Variants in ZC3H12B observed in about 807,000 individuals in gnomAD.
The protein encoded by ZC3H12B is probable ribonuclease ZC3H12B.
ZC3H12B carries 7 observed loss-of-function variants against 43.9 expected under a neutral mutation model. The observed-to-expected ratio is 0.16, with a 90% confidence interval of 0.09 to 0.30. The LOEUF (loss-of-function observed/expected upper bound fraction) is 0.30, where lower values mean the gene tolerates loss of function less well. Ranked by LOEUF, ZC3H12B falls within the 10% of genes least tolerant of loss-of-function variation. The probability of loss-of-function intolerance (pLI) is 1.00; values close to 1 mark genes in which losing one functional copy is unlikely to be tolerated. For synonymous variants in ZC3H12B, 222 were observed against 241.7 expected (o/e 0.92, Z 0.76); for missense variants, 475 against 670.2 (o/e 0.71, Z 3.22).
chrX:65,139,978 G>C, the ZC3H12B span, among the ~76,000 whole-genome samples: 1 of 106,497 alleles, frequency 9.4e-6, no homozygotes, highest in African/African-American at 3.4e-5. Flanking sequence ...AGTTCTAAAA[G>C]TTTTTTTTTT....
chrX:65,386,773 G>T (rs1257935094), intron 2 of ZC3H12B, among the ~76,000 whole-genome samples: 1 of 111,077 alleles, frequency 9.0e-6, no homozygotes, highest in Non-Finnish European at 1.9e-5. Context: ...GCTTTCTCTT[G>T]TGGGCATTTA....
chrX:65,261,727 A>T, the ZC3H12B span, among the ~76,000 whole-genome samples: 1 of 111,543 alleles, frequency 9.0e-6, no homozygotes, highest in Admixed American at 9.5e-5. Flanking sequence ...TTTTAAGGAA[A>T]GTTTAAGAAA....
At chrX:65,099,724 A>G in the ZC3H12B span, among the ~76,000 whole-genome samples, 1 of 111,577 alleles carries the variant, frequency 9.0e-6, no homozygotes, top group Admixed American at 9.5e-5. Context: ...AACCCCATCC[A>G]AAGGTCATCA....
chrX:65,095,962 C>A, the ZC3H12B span, among the ~76,000 whole-genome samples: 154 of 110,850 alleles, frequency 1.4e-3, 4 homozygotes, highest in East Asian at 0.043. Context: ...TTAAACTGTG[C>A]ATTATGTCCA....
the ZC3H12B span, among the ~76,000 whole-genome samples, chrX:65,281,752 A>G: frequency 2.7e-5 from 3 of 112,441 alleles, no homozygotes; most frequent in African/African-American, 6.5e-5. Flanking sequence ...ACTTCAGGAT[A>G]TTGGTCTGCG....
the ZC3H12B span, among the ~76,000 whole-genome samples, chrX:65,338,315 G>A: frequency 9.0e-6 from 1 of 111,669 alleles, no homozygotes; most frequent in Non-Finnish European, 1.9e-5. Context: ...GAATCAGGAA[G>A]AAATGGAAAC....
chrX:65,465,189 A>G (rs2067801762), intron 3 of ZC3H12B, among the ~76,000 whole-genome samples: 1 of 110,978 alleles, frequency 9.0e-6, no homozygotes, highest in Admixed American at 9.7e-5. Flanking sequence ...TCCATTATTG[A>G]AAGAGAGTAT....
At chrX:65,163,916 C>T in the ZC3H12B span, among the ~76,000 whole-genome samples, 1 of 111,584 alleles carries the variant, frequency 9.0e-6, no homozygotes, top group Non-Finnish European at 1.9e-5. Flanking sequence ...CATCTTGGCT[C>T]CCCCCCTCTG....
intron 3 of ZC3H12B, among the ~76,000 whole-genome samples, chrX:65,477,377 GCA>G (rs10538319): frequency 0.24 from 25,579 of 105,099 alleles, 7,589 homozygotes; most frequent in African/African-American, 0.83. Flanking sequence ...ACACACACGT[GCA>G]CACACACACA....
At chrX:65,327,633 T>A in the ZC3H12B span, among the ~76,000 whole-genome samples, 1 of 111,269 alleles carries the variant, frequency 9.0e-6, no homozygotes, top group Non-Finnish European at 1.9e-5. Context: ...GTATTAGGAA[T>A]GAGAGCATTT....
chrX:65,344,540 C>T, the ZC3H12B span, among the ~76,000 whole-genome samples: 1 of 111,964 alleles, frequency 8.9e-6, no homozygotes, highest in Admixed American at 9.5e-5. Context: ...AAACTAGAAC[C>T]ATTTCTTACA....
chrX:65,382,289 T>C (rs2066453677), intron 2 of ZC3H12B, among the ~76,000 whole-genome samples: 1 of 109,825 alleles, frequency 9.1e-6, no homozygotes, highest in African/African-American at 3.3e-5. Context: ...GATGCAAGGC[T>C]GGTTCAATAT....
the ZC3H12B span, among the ~76,000 whole-genome samples, chrX:65,065,865 T>C: frequency 9.3e-6 from 1 of 108,004 alleles, no homozygotes; most frequent in African/African-American, 3.4e-5. Flanking sequence ...TTCTCTAATC[T>C]TGTCTTCACT....
intron 3 of ZC3H12B, among the ~76,000 whole-genome samples, chrX:65,459,887 G>A (rs764058434): frequency 1.7e-4 from 19 of 111,430 alleles, no homozygotes; most frequent in African/African-American, 5.2e-4. Flanking sequence ...GAAATAAAGG[G>A]TATTCAATTA....
At chrX:65,472,824 T>TTATATATATATATA (rs2067935225) in intron 3 of ZC3H12B, among the ~76,000 whole-genome samples, 1 of 43,200 alleles carries the variant, frequency 2.3e-5, no homozygotes, top group African/African-American at 2.5e-4. Flanking sequence ...ACCATACCTT[T>TTATATATATATATA]GATATATATA....
At chrX:65,174,276 G>C in the ZC3H12B span, among the ~76,000 whole-genome samples, 1 of 112,156 alleles carries the variant, frequency 8.9e-6, no homozygotes, top group Non-Finnish European at 1.9e-5. Flanking sequence ...CTCAAGTACT[G>C]TGTTGGAAGA....
At chrX:65,281,382 G>T in the ZC3H12B span, among the ~76,000 whole-genome samples, 5 of 110,110 alleles carry the variant, frequency 4.5e-5, no homozygotes. Context: ...TTACAGGTGT[G>T]ATCTGGCTGA....
the ZC3H12B span, among the ~76,000 whole-genome samples, chrX:65,183,386 A>G: frequency 9.0e-6 from 1 of 111,303 alleles, no homozygotes; most frequent in Non-Finnish European, 1.9e-5. Context: ...GACACAAAGA[A>G]GATAACAGAC....
At chrX:65,395,394 T>C (rs752112030) in intron 2 of ZC3H12B, among the ~76,000 whole-genome samples, 1 of 112,088 alleles carries the variant, frequency 8.9e-6, no homozygotes, top group East Asian at 2.8e-4. Flanking sequence ...AGTGCCTAGT[T>C]TATTGAGAGT....
Sources: gnomAD v4.1 joint callset for allele counts (sites outside exome capture counted in the v4.1 genomes callset) on GRCh38, gnomAD v4.1.1 for gene constraint, MANE v1.5 for transcripts, NCBI Gene and HGNC (gene_info 2026-07-23, HGNC 2026-07-21) for gene names.